GARNL3: variants seen among roughly 807,000 people sequenced by gnomAD.
The protein encoded by GARNL3 is GTPase activating Rap/RanGAP domain like 3, also known as GTPase-activating Rap/Ran-GAP domain-like protein 3.
A neutral mutation model predicts 125.0 loss-of-function variants in GARNL3; 63 were observed. That is an observed-to-expected ratio of 0.50 (90% CI 0.41 to 0.62). The LOEUF (loss-of-function observed/expected upper bound fraction) is 0.62, where lower values mean the gene tolerates loss of function less well. GARNL3 is among the 20% of genes least tolerant of loss of function. GARNL3 has a pLI of 0.00. For missense variants in GARNL3, 994 were observed against 1,244.0 expected (o/e 0.80, Z 3.02); for synonymous variants, 439 against 457.5 (o/e 0.96, Z 0.52).
chr9:127,326,789 G>A (rs997076671), intron 7 of GARNL3, among the ~76,000 whole-genome samples: 11 of 152,082 alleles, frequency 7.2e-5, no homozygotes, highest in African/African-American at 2.4e-5. Flanking sequence ...TGGGATTAGT[G>A]CCCTTATAAA....
At chr9:127,348,736 G>T (rs1010700105) in intron 16 of GARNL3, among the ~76,000 whole-genome samples, 188 bp from the exon 17 acceptor site, 1 of 152,200 alleles carries the variant, frequency 6.6e-6, no homozygotes, top group East Asian at 1.9e-4. Flanking sequence ...TATTGCATAC[G>T]TATTTGAAAG....
At chr9:127,365,149 T>A (rs1831214736) in intron 21 of GARNL3, 151 bp from the exon 22 acceptor site, 2 of 652,888 alleles carry the variant, frequency 3.1e-6, no homozygotes, top group Non-Finnish European at 5.6e-6. Context: ...CAGCCCCCAA[T>A]GTGCATTGTG....
chr9:127,391,485 T>TCAATCCCAGCCTGGG (rs1304262957), intron 27 of GARNL3, among the ~76,000 whole-genome samples: 4 of 122,392 alleles, frequency 3.3e-5, no homozygotes, highest in Admixed American at 2.5e-4. Flanking sequence ...GCCCAAGAGT[T>TCAATCCCAGCCTGGG]CAATCCCAGC....
chr9:127,298,431 A>C (rs2064675894), intron 2 of GARNL3, among the ~76,000 whole-genome samples: 1 of 152,112 alleles, frequency 6.6e-6, no homozygotes, highest in Admixed American at 6.6e-5. Context: ...CATCCACTTC[A>C]GCCTCCCAAA....
chr9:127,314,784 G>A (rs2065192434), intron 4 of GARNL3, among the ~76,000 whole-genome samples: 2 of 152,194 alleles, frequency 1.3e-5, no homozygotes, highest in South Asian at 4.1e-4. Context: ...ATTATAAGTT[G>A]TGATAAGCAC....
Position 127,242,237 on chromosome 9 carries a change from A to G in GARNL3, c.-28-842A>G, listed in dbSNP as rs2063218033. ...CGTTTCTTAAGAAGACATTATAAAG[A>G]GTCCCCTTTGACCAAAGTGTTACAT... On this transcript the variant is annotated intron_variant, in intron 1 of 10. Transcript: ENST00000439286. This position sits in a 1 kb window ranked among gnomAD's most constrained non-coding sequence, Gnocchi z 4.6. Among the ~76,000 whole-genome samples, 1 of 152,200 alleles carries G rather than the reference A, an allele frequency of 6.6e-6. No homozygotes were observed. The highest frequency in any genetic ancestry group is 2.4e-5 in the African/African-American group (1 of 41,446).
intron 2 of GARNL3, among the ~76,000 whole-genome samples, chr9:127,249,218 A>G (rs950266609): frequency 3.9e-5 from 6 of 152,214 alleles, no homozygotes; most frequent in Non-Finnish European, 5.9e-5. Context: ...GTAAAAATGG[A>G]AAGGGGAAGA....
chr9:127,362,842 T>C (rs1469329303), intron 21 of GARNL3: 1 of 152,218 alleles, frequency 6.6e-6, no homozygotes, highest in Non-Finnish European at 1.5e-5. Context: ...CTTAGATAAG[T>C]TACCTCCTGG....
Position 127,364,331 on chromosome 9 carries a change from G to C in GARNL3, c.2095-969G>C. On this transcript the variant is annotated intron_variant, in intron 21 of 27. Coordinates refer to ENST00000373387, the MANE Select transcript of GARNL3 (RefSeq NM_032293.5). This position sits in a 1 kb window ranked among gnomAD's most constrained non-coding sequence, Gnocchi z 4.2. ...TCTGAGGTGGGAGAGAGGGCAGGAG[G>C]CAGAAGATGTCACCCATCAGAGGCT... 6.6e-6 allele frequency: 1 copy of C among 152,608 alleles called. No individual in the cohort carries two copies. 9.5% of individuals were successfully genotyped at this position (152,608 alleles called of 1,614,324 possible).
At chr9:127,270,657 G>T (rs993378193) in intron 1 of GARNL3, among the ~76,000 whole-genome samples, 1 of 152,148 alleles carries the variant, frequency 6.6e-6, no homozygotes, top group Non-Finnish European at 1.5e-5. Flanking sequence ...TCCTTCCTCT[G>T]CTATTCTGTA....
intron 4 of GARNL3, among the ~76,000 whole-genome samples, chr9:127,316,011 C>T (rs1210033780): frequency 6.6e-6 from 1 of 152,222 alleles, no homozygotes; most frequent in Non-Finnish European, 1.5e-5. Context: ...GCATTTGATG[C>T]TTCCCCTGAA....
Position 127,385,954 on chromosome 9 carries a change from T to C in GARNL3, c.2388+809T>C, listed in dbSNP as rs553210960. ...TGCACATATGTGCATATATGTATGA[T>C]ATGTGTACATATCTGCATGTATGTA... On this transcript the variant is annotated intron_variant, in intron 24 of 27. Transcript: ENST00000373387. This position sits in a 1 kb window ranked among gnomAD's most constrained non-coding sequence, Gnocchi z 4.1. Among the ~76,000 whole-genome samples, 6 of 152,270 alleles carry C rather than the reference T, an allele frequency of 3.9e-5. 1 individual carries two copies. In the East Asian group the frequency reaches 1.2e-3, roughly 29 times the overall value.
intron 22 of GARNL3, among the ~76,000 whole-genome samples, chr9:127,381,396 A>G (rs1194454759): frequency 6.6e-6 from 1 of 152,168 alleles, no homozygotes; most frequent in Non-Finnish European, 1.5e-5. Flanking sequence ...GAAATTAGAA[A>G]TGTGATTCTA....
chr9:127,310,412 T>G (rs949829011), intron 2 of GARNL3, among the ~76,000 whole-genome samples: 4 of 152,090 alleles, frequency 2.6e-5, no homozygotes, highest in Non-Finnish European at 5.9e-5. Context: ...ATCAGAAAAC[T>G]GGCAAAGGAC....
At chr9:127,270,883 C>CTCGATCTCGGCTCACTGCAACCTCTGCCT (rs1431540119) in intron 1 of GARNL3, among the ~76,000 whole-genome samples, 1 of 151,098 alleles carries the variant, frequency 6.6e-6, no homozygotes, top group African/African-American at 2.5e-5. Context: ...GCTCTGTTGG[C>CTCGATCTCGGCTCACTGCAACCTCTGCCT]CACCGTGGTC....
intron 2 of GARNL3, among the ~76,000 whole-genome samples, chr9:127,294,472 T>G (rs2064524047): frequency 6.6e-6 from 1 of 152,048 alleles, no homozygotes; most frequent in Non-Finnish European, 1.5e-5. Context: ...CCTAGCTAAT[T>G]TTTGTATTTT....
At chr9:127,240,822 C>T (rs1213721621) in intron 1 of GARNL3, among the ~76,000 whole-genome samples, 1 of 152,182 alleles carries the variant, frequency 6.6e-6, no homozygotes, top group African/African-American at 2.4e-5. Flanking sequence ...GCAGGAGTAT[C>T]TCCTGAGTCT....
At chr9:127,311,197 T>C (rs2065086525) in intron 2 of GARNL3, among the ~76,000 whole-genome samples, 1 of 151,952 alleles carries the variant, frequency 6.6e-6, no homozygotes, top group African/African-American at 2.4e-5. Flanking sequence ...CAATATAATT[T>C]CATCTTATTA....
intron 1 of GARNL3, among the ~76,000 whole-genome samples, chr9:127,234,302 A>G (rs2063072436): frequency 6.6e-6 from 1 of 152,250 alleles, no homozygotes; most frequent in African/African-American, 2.4e-5. Context: ...GAAGGTTAAT[A>G]TGAGAGATTA....
Sources: allele counts gnomAD v4.1 joint callset (sites outside exome capture counted in the v4.1 genomes callset), GRCh38; gene constraint gnomAD v4.1.1; non-coding constraint Gnocchi (gnomAD v3.1); transcripts MANE v1.5; gene names NCBI Gene and HGNC (gene_info 2026-07-23, HGNC 2026-07-21).